PDE1A: variants seen among roughly 807,000 people sequenced by gnomAD.
PDE1A encodes the protein phosphodiesterase 1A.
In PDE1A, 35 loss-of-function variants were observed where a neutral mutation model predicts 61.7. That is an observed-to-expected ratio of 0.57 (90% CI 0.43 to 0.75). The LOEUF is 0.75. PDE1A is among the 30% of genes least tolerant of loss of function. PDE1A has a pLI of 0.00. For synonymous variants in PDE1A, 232 were observed against 213.2 expected (o/e 1.09, Z -0.77); for missense variants, 597 against 630.6 (o/e 0.95, Z 0.57).
At chr2:182,333,916 G>A (rs1303120121) in intron 1 of PDE1A, among the ~76,000 whole-genome samples, 2 of 152,084 alleles carry the variant, frequency 1.3e-5, no homozygotes, top group Non-Finnish European at 2.9e-5. Flanking sequence ...TAATCCCACA[G>A]AAATAAAAAC....
At chr2:182,497,113 AC>A (rs1319535615) in intron 2 of PDE1A, among the ~76,000 whole-genome samples, 2 of 152,182 alleles carry the variant, frequency 1.3e-5, no homozygotes, top group Non-Finnish European at 2.9e-5. Flanking sequence ...ATCTCTTTTA[AC>A]CATGGCCAAT....
At chr2:182,682,530 T>A in the PDE1A span, among the ~76,000 whole-genome samples, 118 of 152,306 alleles carry the variant, frequency 7.7e-4, 3 homozygotes, top group African/African-American at 2.8e-3. Flanking sequence ...GTTCATTTCC[T>A]GAGAAAGGAG....
At chr2:182,185,919 C>T (rs200296417) in exon 13 of PDE1A, 65 of 1,613,946 alleles carry the variant, frequency 4.0e-5, no homozygotes, top group Admixed American at 5.0e-5. Flanking sequence ...TTCCACCTCT[C>T]TTTGTTCTGC....
chr2:182,543,706 A>T, the PDE1A span, among the ~76,000 whole-genome samples: 1 of 152,168 alleles, frequency 6.6e-6, no homozygotes, highest in Non-Finnish European at 1.5e-5. Context: ...TTAAAAAAAA[A>T]GATGTCTCAA....
intron 1 of PDE1A, among the ~76,000 whole-genome samples, chr2:182,403,286 C>T (rs546709571): frequency 1.2e-4 from 18 of 152,192 alleles, no homozygotes; most frequent in Admixed American, 5.9e-4. Context: ...TTCCCATCAA[C>T]GATAGACTGG....
intron 2 of PDE1A, among the ~76,000 whole-genome samples, chr2:182,444,320 T>C (rs561943438): frequency 4.7e-4 from 72 of 152,276 alleles, no homozygotes; most frequent in African/African-American, 1.7e-3. Context: ...GAGAATCACA[T>C]CTGAGATAGA....
Position 182,221,272 on chromosome 2 carries a change from C to T in PDE1A, c.776+2592G>A, listed in dbSNP as rs189715316. ...CCCACTGGCCTTTACTTTTCAAAGTCGAAAGGGCAACTGGCATTCACTGAT... is the reference window on the plus strand; with the variant it reads ...CCCACTGGCCTTTACTTTTCAAAGTTGAAAGGGCAACTGGCATTCACTGAT... On this transcript the variant is annotated intron_variant, in intron 7 of 13. Coordinates refer to ENST00000351439, the Ensembl canonical transcript of PDE1A. 3.6e-3 allele frequency among the ~76,000 whole-genome samples: 545 copies of T among 152,096 alleles called. 2 individuals carry two copies. The highest frequency in any genetic ancestry group is 0.013 in the African/African-American group (524 of 41,538).
chr2:182,377,286 T>C (rs1187976082), intron 1 of PDE1A, among the ~76,000 whole-genome samples: 1 of 152,100 alleles, frequency 6.6e-6, no homozygotes, highest in East Asian at 1.9e-4. Context: ...ATTAGAAGTG[T>C]GCAGCACCTA....
At chr2:182,282,459 G>T (rs1693871869) in intron 1 of PDE1A, among the ~76,000 whole-genome samples, 1 of 151,900 alleles carries the variant, frequency 6.6e-6, no homozygotes, top group Non-Finnish European at 1.5e-5. Flanking sequence ...TAAGTTCATA[G>T]GTGTCATTGT....
chr2:182,636,354 CTTTTT>C, the PDE1A span, among the ~76,000 whole-genome samples: 2 of 151,414 alleles, frequency 1.3e-5, no homozygotes, highest in East Asian at 3.9e-4. Flanking sequence ...GGTTTTTTTT[CTTTTT>C]TAACTCTGTC....
At chr2:182,706,875 C>T in the PDE1A span, among the ~76,000 whole-genome samples, 1 of 152,168 alleles carries the variant, frequency 6.6e-6, no homozygotes, top group East Asian at 1.9e-4. Context: ...TCTGTTTTCT[C>T]TTTAAAGTAG....
At chr2:182,257,820 A>G (rs1240910451) in intron 2 of PDE1A, among the ~76,000 whole-genome samples, 1 of 152,200 alleles carries the variant, frequency 6.6e-6, no homozygotes, top group Non-Finnish European at 1.5e-5. Context: ...TAGAGGATGC[A>G]CCAAGATGCT....
At chr2:182,245,727 A>C (rs1371875948) in intron 2 of PDE1A, among the ~76,000 whole-genome samples, 1 of 152,212 alleles carries the variant, frequency 6.6e-6, no homozygotes, top group Admixed American at 6.5e-5. Flanking sequence ...TATTGTGTGC[A>C]TAGATAGTCT....
At chr2:182,234,477 A>G (rs1276065418) in exon 4 of PDE1A, 7 of 1,604,428 alleles carry the variant, frequency 4.4e-6, no homozygotes, top group Non-Finnish European at 6.0e-6. Flanking sequence ...AACCAACCAT[A>G]TGATATGTTT....
chr2:182,496,749 C>T (rs16823319), intron 2 of PDE1A, among the ~76,000 whole-genome samples: 12,878 of 152,284 alleles, frequency 0.085, 1,779 homozygotes, highest in African/African-American at 0.29. Flanking sequence ...CTAGAGGCAG[C>T]GGACTGATAG....
the PDE1A span, among the ~76,000 whole-genome samples, chr2:182,532,945 C>CAAAAAAAAAAAAAAAA: frequency 9.4e-5 from 2 of 21,176 alleles, no homozygotes; most frequent in African/African-American, 1.9e-4. Context: ...GACTCCGTCT[C>CAAAAAAAAAAAAAAAA]AAAAAAAAAA....
At chr2:182,695,101 T>G in the PDE1A span, among the ~76,000 whole-genome samples, 4 of 152,138 alleles carry the variant, frequency 2.6e-5, no homozygotes, top group African/African-American at 9.7e-5. Context: ...TTGAAAGGCA[T>G]ATTTTAAATT....
At chr2:182,162,279 A>G (rs1357907672) in intron 13 of PDE1A, among the ~76,000 whole-genome samples, 1 of 152,160 alleles carries the variant, frequency 6.6e-6, no homozygotes, top group African/African-American at 2.4e-5. Flanking sequence ...GTCAAAGGCA[A>G]GGTGGGCGTA....
chr2:182,685,524 CA>C, the PDE1A span, among the ~76,000 whole-genome samples: 14 of 152,100 alleles, frequency 9.2e-5, no homozygotes, highest in Non-Finnish European at 1.3e-4. Flanking sequence ...TCACTTTGTG[CA>C]AGTTATTTAA....
Sources: allele counts gnomAD v4.1 joint callset (sites outside exome capture counted in the v4.1 genomes callset), GRCh38; gene constraint gnomAD v4.1.1; transcripts MANE v1.5; gene names NCBI Gene and HGNC (gene_info 2026-07-23, HGNC 2026-07-21).